RPRD2: variants seen among roughly 807,000 people sequenced by gnomAD.
The protein encoded by RPRD2 is regulation of nuclear pre-mRNA domain-containing protein 2.
RPRD2 carries 12 observed loss-of-function variants against 104.4 expected under a neutral mutation model. The observed-to-expected ratio is 0.11, with a 90% CI of 0.07 to 0.19. RPRD2 has a LOEUF of 0.19. Ranked by LOEUF, RPRD2 falls within the 10% of genes least tolerant of loss-of-function variation. The pLI, the probability that RPRD2 is intolerant of heterozygous loss-of-function variation, is 1.00. For synonymous variants in RPRD2, 714 were observed against 684.9 expected (o/e 1.04, Z -0.66); for missense variants, 1,543 against 1,790.1 (o/e 0.86, Z 2.49).
rs1315892517 is a variant in RPRD2, at chr1:150,473,258, A to G, written c.4310A>G (p.Lys1437Arg). ...AGCAGAGACCCATTTCACAGTTTAA[A>G]GAGACCCAGGCCACCTTTTGCTAGG... ...FLSRDPFHSL[K>R]RPRPPFARGP... The change falls in exon 11 of 11, where the codon AAG becomes AGG. Residue 1437 changes from lysine to arginine, a missense_variant. Physicochemically the swap from Lys to Arg is conservative, Grantham distance 26. Transcript: ENST00000369068. The G allele has an allele frequency of 6.2e-7, 1 of 1,613,834 alleles. No homozygotes were observed. Among genetic ancestry groups the G allele is most frequent in the Non-Finnish European group, 8.5e-7 (1 of 1,179,882 alleles).
intron 1 of RPRD2, among the ~76,000 whole-genome samples, chr1:150,410,682 G>C (rs1191504123): frequency 2.0e-5 from 3 of 152,050 alleles, no homozygotes; most frequent in Non-Finnish European, 4.4e-5. Flanking sequence ...TTGCAGACAT[G>C]CTGCCCTATT....
At chr1:150,381,062 A>G (rs1198125535) in intron 1 of RPRD2, among the ~76,000 whole-genome samples, 1 of 152,210 alleles carries the variant, frequency 6.6e-6, no homozygotes, top group Non-Finnish European at 1.5e-5. Context: ...TAAACTGCTA[A>G]CAACAGATTA....
intron 2 of RPRD2, among the ~76,000 whole-genome samples, chr1:150,437,215 G>T (rs1286022393): frequency 1.3e-5 from 2 of 151,996 alleles, no homozygotes; most frequent in Non-Finnish European, 2.9e-5. Context: ...CAACATTAAG[G>T]CCAGGCATGG....
chr1:150,438,875 T>C (rs1666206718), intron 2 of RPRD2, among the ~76,000 whole-genome samples: 1 of 151,782 alleles, frequency 6.6e-6, no homozygotes, highest in Non-Finnish European at 1.5e-5. Context: ...TCACTCTGTC[T>C]CCAGGCTGGA....
intron 1 of RPRD2, 126 bp from the exon 2 acceptor site, chr1:150,417,470 C>T (rs1166223506): frequency 1.4e-6 from 1 of 691,856 alleles, no homozygotes; most frequent in Non-Finnish European, 2.2e-6. Flanking sequence ...TTACATTCAT[C>T]TTTTTATATC....
rs752781138 is a variant in RPRD2, at chr1:150,474,592, G to C, written c.*1258G>C. On this transcript the variant is annotated 3_prime_UTR_variant, in exon 11 of 11. Coordinates refer to ENST00000369068, the MANE Select transcript of RPRD2 (RefSeq NM_015203.5). ...TCTCCCTGGACTGAAAGACTTGTTT[G>C]TATTTCTACATCTAGTACTTGGGAA... 1 of 152,098 alleles carries C rather than the reference G, an allele frequency of 6.6e-6. No individual in the cohort carries two copies. Among genetic ancestry groups the C allele is most frequent in the Non-Finnish European group, 1.5e-5 (1 of 68,024 alleles). The allele number at this position is 152,098 out of a possible 1,614,324, so 9.4% of individuals were successfully genotyped here.
chr1:150,415,526 TAC>T (rs1664269307), intron 1 of RPRD2, among the ~76,000 whole-genome samples: 1 of 138,110 alleles, frequency 7.2e-6, no homozygotes, highest in Non-Finnish European at 1.6e-5. Context: ...CTACTAAAAA[TAC>T]AAAAAAAAAT....
At chr1:150,393,785 G>A (rs1413299166) in intron 1 of RPRD2, among the ~76,000 whole-genome samples, 1 of 151,988 alleles carries the variant, frequency 6.6e-6, no homozygotes, top group African/African-American at 2.4e-5. Flanking sequence ...CCTGAAATGT[G>A]GGATGTTCTG....
Position 150,472,088 on chromosome 1 carries a change from C to G in RPRD2, c.3140C>G (p.Pro1047Arg). 2 of 1,613,854 alleles carry G rather than the reference C, an allele frequency of 1.2e-6. No individual in the cohort carries two copies. Among genetic ancestry groups the G allele is most frequent in the Non-Finnish European group, 1.7e-6 (2 of 1,179,902 alleles). The change falls in exon 11 of 11, where the codon CCC becomes CGC. Residue 1047 changes from proline (P) to arginine (R), a missense_variant. Pro to Arg is a moderately radical substitution (Grantham distance 103). Around this residue, in one of 4 missense-constraint regions of RPRD2, gnomAD observed 880 missense variants for 885.6 expected, o/e 0.99. Transcript: ENST00000369068. Reference sequence around the variant, plus strand: ...GTCAGTCTCTCAAACCTCACCCAACCCAGCTTGACCGCCACTGATCAGCAG... The same window carrying G: ...GTCAGTCTCTCAAACCTCACCCAACGCAGCTTGACCGCCACTGATCAGCAG... ...DGVSLSNLTQ[P>R]SLTATDQQQQ... is the part of the protein sequence containing the mutation.
intron 7 of RPRD2, among the ~76,000 whole-genome samples, chr1:150,448,675 T>C (rs1185449385): frequency 2.0e-5 from 3 of 152,244 alleles, no homozygotes; most frequent in East Asian, 3.8e-4. Flanking sequence ...TTTTGTTTTC[T>C]CTTTTATTGT....
At chr1:150,397,503 G>A (rs752296408) in intron 1 of RPRD2, among the ~76,000 whole-genome samples, 125 of 152,160 alleles carry the variant, frequency 8.2e-4, no homozygotes, top group Non-Finnish European at 1.6e-3. Flanking sequence ...CCTTTCGTCT[G>A]TGACCCACTA....
chr1:150,471,027 C>T lies in RPRD2; in HGVS notation c.2079C>T (p.Ser693=). 1 of 1,614,010 alleles carries T rather than the reference C, an allele frequency of 6.2e-7. No individual in the cohort carries two copies. Among genetic ancestry groups the T allele is most frequent in the Non-Finnish European group, 8.5e-7 (1 of 1,179,890 alleles). ...TAAACTTAAACATCCCAATCCTGAG[C>T]AGTTTGGGGTCCAGCGCCCCATCAG... is the stretch of plus-strand genomic sequence containing the variant. ...SGLNLNIPIL[S]SLGSSAPSES... is the part of the protein sequence containing the mutation. Residue 693 remains serine, a synonymous_variant, in exon 11 of 11, where the codon AGC becomes AGT. Transcript: ENST00000369068. This position sits in a 1 kb window ranked among gnomAD's most constrained non-coding sequence, Gnocchi z 5.3.
chr1:150,374,134 G>A (rs1189034226), intron 1 of RPRD2, among the ~76,000 whole-genome samples: 1 of 152,160 alleles, frequency 6.6e-6, no homozygotes, highest in Non-Finnish European at 1.5e-5. Flanking sequence ...TCTAACCTCT[G>A]GGGAAGGGAG....
chr1:150,464,086 T>A (rs1417413310), intron 9 of RPRD2, among the ~76,000 whole-genome samples: 4 of 152,214 alleles, frequency 2.6e-5, no homozygotes, highest in Non-Finnish European at 4.4e-5. Flanking sequence ...CTTGTCTCAC[T>A]GCAACCTCCA....
chr1:150,411,662 G>A (rs1338183032), intron 1 of RPRD2, among the ~76,000 whole-genome samples: 5 of 128,276 alleles, frequency 3.9e-5, no homozygotes, highest in South Asian at 2.2e-4. Context: ...GTGGTGATGC[G>A]CACCCATAGT....
At chr1:150,384,488 TTATTAG>T (rs1255492368) in intron 1 of RPRD2, among the ~76,000 whole-genome samples, 1 of 133,574 alleles carries the variant, frequency 7.5e-6, no homozygotes, top group Non-Finnish European at 1.7e-5. Flanking sequence ...ATTATTATTA[TTATTAG>T]GGATGGAGCT....
At chr1:150,460,707 GTTGA>G (rs1327178401) in intron 9 of RPRD2, among the ~76,000 whole-genome samples, 2 of 142,212 alleles carry the variant, frequency 1.4e-5, no homozygotes, top group Admixed American at 7.1e-5. Flanking sequence ...CCAGTCTGTT[GTTGA>G]TTTTTTTTAA....
intron 1 of RPRD2, among the ~76,000 whole-genome samples, chr1:150,369,282 T>G (rs1660083780): frequency 6.6e-6 from 1 of 151,974 alleles, no homozygotes; most frequent in African/African-American, 2.4e-5. Flanking sequence ...TTTCTCTCTT[T>G]TCTGTGGGGA....
At chr1:150,460,702 CTGT>C (rs1264020958) in intron 9 of RPRD2, among the ~76,000 whole-genome samples, 6 of 138,642 alleles carry the variant, frequency 4.3e-5, no homozygotes, top group African/African-American at 1.6e-4. Context: ...CGTGCCCAGT[CTGT>C]TGTTGATTTT....
Sources: gnomAD v4.1 joint callset for allele counts (sites outside exome capture counted in the v4.1 genomes callset) on GRCh38, gnomAD v4.1.1 for gene constraint, gnomAD v4.1.1 regional missense constraint, Gnocchi (gnomAD v3.1) non-coding constraint, MANE v1.5 for transcripts, NCBI Gene and HGNC (gene_info 2026-07-23, HGNC 2026-07-21) for gene names.